The following IL7R variants were observed in gnomAD, a reference collection of about 807,000 sequenced individuals.
The protein encoded by IL7R is interleukin-7 receptor subunit alpha.
Under a neutral mutation model 47.0 loss-of-function variants are expected in IL7R, and 38 were observed. The observed-to-expected ratio is 0.81, with a 90% confidence interval of 0.62 to 1.06. IL7R has a LOEUF of 1.06. IL7R is among the 50% of genes least tolerant of loss of function. The pLI is 0.00. For missense variants in IL7R, 633 were observed against 534.8 expected (o/e 1.18, Z -1.81); for synonymous variants, 221 against 199.8 (o/e 1.11, Z -0.89).
chr5:35,863,578 A>G (rs1759873102), intron 2 of IL7R, among the ~76,000 whole-genome samples: 15 of 152,196 alleles, frequency 9.9e-5, no homozygotes, highest in African/African-American at 4.8e-5. Flanking sequence ...ACAAAATTAC[A>G]TCGGTTAATG....
In IL7R at chr5:35,879,193, T is replaced by G. The variant is rs1760291099; in HGVS notation, c.*2707T>G. On this transcript the variant is annotated 3_prime_UTR_variant, in exon 8 of 8. Transcript: ENST00000303115. Reference sequence around the variant, plus strand: ...GCTAATTTGGTCCAACAAACATGACTGGGTCTAGGGCACCCAGGCTGATTC... The same window carrying G: ...GCTAATTTGGTCCAACAAACATGACGGGGTCTAGGGCACCCAGGCTGATTC... 8.6e-6 allele frequency: 2 copies of G among 233,094 alleles called. No individual in the cohort carries two copies. The highest frequency in any genetic ancestry group is 4.4e-5 in the African/African-American group (2 of 45,472). 14.4% of individuals were successfully genotyped at this position (233,094 alleles called of 1,614,324 possible). A position where few individuals can be genotyped will look rare whatever the true frequency, so the allele number is the denominator to read the frequency against.
chr5:35,859,061 A>G (rs535980222), intron 1 of IL7R, among the ~76,000 whole-genome samples: 6 of 152,342 alleles, frequency 3.9e-5, no homozygotes, highest in Non-Finnish European at 8.8e-5. Flanking sequence ...CTTGGTTACA[A>G]AGCAACTCTG....
intron 6 of IL7R, among the ~76,000 whole-genome samples, chr5:35,875,047 T>A (rs1760169652): frequency 6.6e-6 from 1 of 152,228 alleles, no homozygotes; most frequent in Non-Finnish European, 1.5e-5. Flanking sequence ...AAGTACTGCC[T>A]GGAAAGTACT....
intron 3 of IL7R, among the ~76,000 whole-genome samples, chr5:35,869,096 A>G (rs571166639): frequency 4.3e-4 from 66 of 152,246 alleles, no homozygotes; most frequent in African/African-American, 1.6e-3. Flanking sequence ...ATCTCCTTCT[A>G]GGTCCTAATG....
intron 3 of IL7R, among the ~76,000 whole-genome samples, chr5:35,870,081 C>A (rs560405078): frequency 2.0e-5 from 3 of 152,306 alleles, no homozygotes; most frequent in African/African-American, 7.2e-5. Flanking sequence ...TGAACAACTG[C>A]GCCTGAGATC....
chr5:35,862,089 A>G (rs1318078279), intron 2 of IL7R, among the ~76,000 whole-genome samples: 1 of 152,074 alleles, frequency 6.6e-6, no homozygotes, highest in African/African-American at 2.4e-5. Context: ...ATGCTGTTGG[A>G]CTTGAGTAGT....
rs1056726866 is a variant in IL7R at position 35,876,023 on chromosome 5, G to T, written c.917G>T (p.Cys306Phe). 2 of 1,613,816 alleles carry T rather than the reference G, an allele frequency of 1.2e-6. No individual in the cohort carries two copies. Among genetic ancestry groups the T allele is most frequent in the Non-Finnish European group, 1.7e-6 (2 of 1,180,022 alleles). The change falls in exon 8 of 8, where the codon TGC becomes TTC. Residue 306 changes from cysteine to phenylalanine, a missense_variant. Physicochemically the swap from Cys to Phe is radical, Grantham distance 205 (BLOSUM62 -2). Coordinates refer to ENST00000303115, the MANE Select transcript of IL7R (RefSeq NM_002185.5). The stretch of plus-strand genomic sequence containing the variant: ...TTCAATCCTGAAAGTTTCCTGGACT[G>T]CCAGATTCATAGGGTGGATGACATT... The part of the protein sequence containing the change: ...VSFNPESFLD[C>F]QIHRVDDIQA...
chr5:35,870,960 AG>A, intron 3 of IL7R, 95 bp from the exon 4 acceptor site: 1 of 1,084,580 alleles, frequency 9.2e-7, no homozygotes, highest in Non-Finnish European at 1.4e-6. Flanking sequence ...TGACACAAAA[AG>A]GGTCAAAGTG....
chr5:35,879,002 C>A lies in IL7R; in HGVS notation c.*2516C>A. On this transcript the variant is annotated 3_prime_UTR_variant, in exon 8 of 8. Transcript: ENST00000303115. ...CATATAATCATAACTGCTGTTAATTCTTGATTATATACCTAGGGACAATGT... is the reference window on the plus strand; with the variant it reads ...CATATAATCATAACTGCTGTTAATTATTGATTATATACCTAGGGACAATGT... 1 of 232,720 alleles carries A rather than the reference C, an allele frequency of 4.3e-6. No individual in the cohort carries two copies. The highest frequency in any genetic ancestry group is 8.5e-6 in the Non-Finnish European group (1 of 117,824). The allele number at this position is 232,720 out of a possible 1,614,324, so 14.4% of individuals were successfully genotyped here. A position where few individuals can be genotyped will look rare whatever the true frequency, so the allele number is the denominator to read the frequency against.
At chr5:35,864,917 T>C (rs1371104501) in intron 2 of IL7R, among the ~76,000 whole-genome samples, 2 of 152,250 alleles carry the variant, frequency 1.3e-5, no homozygotes, top group East Asian at 3.9e-4. Flanking sequence ...TATTTTCTCA[T>C]GTTTTCTTTT....
In IL7R at chr5:35,856,968, C is replaced by G; in HGVS notation, c.-10C>G. 6.6e-7 allele frequency: 1 copy of G among 1,524,484 alleles called. No homozygotes were observed. The highest frequency in any genetic ancestry group is 9.1e-7 in the Non-Finnish European group (1 of 1,100,718). The allele number at this position is 1,524,484 out of a possible 1,614,324, so 94.4% of individuals were successfully genotyped here. ...TCACACATCTACTCTCTCTCTCTATCTCTCTCAGAATGACAATTCTAGGTA... is the reference window on the plus strand; with the variant it reads ...TCACACATCTACTCTCTCTCTCTATGTCTCTCAGAATGACAATTCTAGGTA... On this transcript the variant is annotated 5_prime_UTR_variant, in exon 1 of 8. The change creates a new upstream start codon in the 5' untranslated region. Transcript: ENST00000303115.
intron 5 of IL7R, among the ~76,000 whole-genome samples, 173 bp from the exon 6 acceptor site, chr5:35,874,276 C>T (rs1370869211): frequency 6.6e-6 from 1 of 152,128 alleles, no homozygotes; most frequent in African/African-American, 2.4e-5. Context: ...CAAGTCAATG[C>T]CTTTTAAACC....
In IL7R at chr5:35,871,943, T is replaced by G. The variant is rs550229740; in HGVS notation, c.537+730T>G. ...CCTCAAGTCCTTCTTATTCTTGCTG[T>G]CCTGTTTTTTCAGGCCAAGATTGGC... On this transcript the variant is annotated intron_variant, in intron 4 of 7. Coordinates refer to ENST00000303115, the MANE Select transcript of IL7R (RefSeq NM_002185.5). 3.3e-5 allele frequency among the ~76,000 whole-genome samples: 5 copies of G among 152,252 alleles called. No homozygotes were observed. In the South Asian group the frequency reaches 8.3e-4, roughly 25 times the overall value.
intron 3 of IL7R, chr5:35,867,676 T>G (rs941704297): frequency 7.8e-6 from 5 of 637,124 alleles, no homozygotes; most frequent in Admixed American, 2.6e-5. Flanking sequence ...CAAACCCAGG[T>G]GTGAAAGATA....
intron 3 of IL7R, among the ~76,000 whole-genome samples, chr5:35,869,956 A>C (rs1431918239): frequency 6.6e-6 from 1 of 152,216 alleles, no homozygotes; most frequent in Admixed American, 6.5e-5. Context: ...AGTGACTACA[A>C]CAAGAGCTAG....
In IL7R at chr5:35,871,129, T is replaced by C. The variant is rs2149901741; in HGVS notation, c.453T>C (p.Asn151=). ...CCAATGACTTTGTGGTGACATTTAA[T>C]ACATCACACTTGCAAAAGAAGTATG... ...EGANDFVVTF[N]TSHLQKKYVK... Residue 151 remains asparagine (N), a synonymous_variant, in exon 4 of 8, where the codon AAT becomes AAC. Coordinates refer to ENST00000303115, the MANE Select transcript of IL7R (RefSeq NM_002185.5). The C allele has an allele frequency of 6.2e-7, 1 of 1,611,112 alleles. No homozygotes were observed. The highest frequency in any genetic ancestry group is 8.5e-7 in the Non-Finnish European group (1 of 1,177,244).
In IL7R at chr5:35,856,962, C is replaced by T. The variant is rs369139531; in HGVS notation, c.-16C>T. On this transcript the variant is annotated 5_prime_UTR_variant, in exon 1 of 8. Transcript: ENST00000303115. The stretch of plus-strand genomic sequence containing the variant: ...ACTGGCTCACACATCTACTCTCTCT[C>T]TCTATCTCTCTCAGAATGACAATTC... 6.8e-7 allele frequency: 1 copy of T among 1,466,748 alleles called. No individual in the cohort carries two copies. The highest frequency in any genetic ancestry group is 1.4e-5 in the African/African-American group (1 of 71,960). The allele number at this position is 1,466,748 out of a possible 1,614,324, so 90.9% of individuals were successfully genotyped here.
At chr5:35,875,735 T>C in intron 7 of IL7R, 148 bp downstream of exon 7, 1 of 783,320 alleles carries the variant, frequency 1.3e-6, no homozygotes. Flanking sequence ...CTAGCTGCAG[T>C]AGGGAACTGA....
chr5:35,866,116 A>G (rs6451229), intron 2 of IL7R, among the ~76,000 whole-genome samples: 61,477 of 151,958 alleles, frequency 0.4, 12,875 homozygotes, highest in African/African-American at 0.46. Flanking sequence ...GTGAGTTTTT[A>G]ACATGAATAG....
Sources: gnomAD v4.1 joint callset for allele counts (sites outside exome capture counted in the v4.1 genomes callset) on GRCh38, gnomAD v4.1.1 for gene constraint, MANE v1.5 for transcripts, NCBI Gene and HGNC (gene_info 2026-07-23, HGNC 2026-07-21) for gene names.